Variants in DPYD observed in about 807,000 individuals in gnomAD.
DPYD encodes the protein dihydropyrimidine dehydrogenase [NADP(+)].
In DPYD, 109 loss-of-function variants were observed where a neutral mutation model predicts 116.2. The ratio of observed to expected loss-of-function variants is 0.94; its 90% CI spans 0.80 to 1.10. DPYD has a LOEUF of 1.10. DPYD is among the 50% of genes least tolerant of loss of function. The pLI is 0.00. For synonymous variants in DPYD, 440 were observed against 432.0 expected (o/e 1.02, Z -0.23); for missense variants, 1,302 against 1,254.5 (o/e 1.04, Z -0.57).
At chr1:97,720,113 C>T (rs1051458415) in intron 5 of DPYD, 1 of 984,766 alleles carries the variant, frequency 1.0e-6, no homozygotes, top group Non-Finnish European at 1.2e-6. Context: ...TGAGAGTTTC[C>T]AGAGGAATAA....
At chr1:97,895,697 G>A (rs1458350518) in intron 1 of DPYD, among the ~76,000 whole-genome samples, 1 of 151,658 alleles carries the variant, frequency 6.6e-6, no homozygotes, top group East Asian at 2.0e-4. Context: ...GGTGAGTTGA[G>A]GAGTTGGACT....
intron 13 of DPYD, among the ~76,000 whole-genome samples, chr1:97,473,390 C>T (rs1677767803): frequency 6.6e-6 from 1 of 152,118 alleles, no homozygotes; most frequent in African/African-American, 2.4e-5. Context: ...TCAATGGACA[C>T]TTAGGTTGTT....
At chr1:97,696,906 AAAC>A (rs1661339089) in intron 6 of DPYD, among the ~76,000 whole-genome samples, 1 of 152,092 alleles carries the variant, frequency 6.6e-6, no homozygotes, top group South Asian at 2.1e-4. Context: ...TCAACAAGAA[AAAC>A]AATAGGCCTA....
At chr1:97,228,661 T>C (rs1191247617) in intron 19 of DPYD, among the ~76,000 whole-genome samples, 1 of 152,324 alleles carries the variant, frequency 6.6e-6, no homozygotes, top group South Asian at 2.1e-4. Flanking sequence ...ACCTAGATAT[T>C]TAAATCAATT....
In DPYD at chr1:97,085,101, T is replaced by C. The variant is rs1484318148; in HGVS notation, c.2767-2631A>G. ...ATTTCCCAGTACTATTTTAAAATAA[T>C]AAATTCAAGAGGTCACTATCTGGCT... On this transcript the variant is annotated intron_variant, in intron 21 of 22. Coordinates refer to ENST00000370192, the MANE Select transcript of DPYD (RefSeq NM_000110.4). Among the ~76,000 whole-genome samples, 3 of 152,202 alleles carry C rather than the reference T, an allele frequency of 2.0e-5. No individual in the cohort carries two copies. In the East Asian group the frequency reaches 5.8e-4, roughly 29 times the overall value.
rs763295034 is a variant in DPYD at position 97,268,724 on chromosome 1, T to C, written c.2300-33730A>G. 3.9e-5 allele frequency among the ~76,000 whole-genome samples: 6 copies of C among 152,228 alleles called. No homozygotes were observed. In the East Asian group the frequency reaches 7.8e-4, roughly 20 times the overall value. ...CAGGGCACCTAATGCTGAGGTCCGA[T>C]ATGAGCCCCTGTCTAGAAACCCTGC... is the stretch of plus-strand genomic sequence containing the variant. On this transcript the variant is annotated intron_variant, in intron 18 of 22. Coordinates refer to ENST00000370192, the MANE Select transcript of DPYD (RefSeq NM_000110.4).
chr1:97,385,280 CAAAAAAAAAAAAAAAAAAAAAAAA>C (rs567156406), intron 14 of DPYD, among the ~76,000 whole-genome samples: 3 of 48,926 alleles, frequency 6.1e-5, no homozygotes, highest in Admixed American at 6.1e-4. Context: ...GCATTCCTTG[CAAAAAAAAAAAAAAAAAAAAAAAA>C]AAAAAAAAAA....
intron 14 of DPYD, among the ~76,000 whole-genome samples, chr1:97,443,852 G>T (rs1177139625): frequency 6.6e-6 from 1 of 152,184 alleles, no homozygotes; most frequent in Non-Finnish European, 1.5e-5. Context: ...TTTTGCAGAG[G>T]TAGTCTTCGT....
intron 16 of DPYD, among the ~76,000 whole-genome samples, chr1:97,351,910 A>T (rs533062007): frequency 1.1e-4 from 17 of 152,330 alleles, no homozygotes; most frequent in Non-Finnish European, 2.1e-4. Flanking sequence ...CTTATATTTC[A>T]TAACTATACA....
intron 20 of DPYD, among the ~76,000 whole-genome samples, chr1:97,153,814 C>A (rs1319471534): frequency 6.6e-6 from 1 of 151,942 alleles, no homozygotes; most frequent in Non-Finnish European, 1.5e-5. Flanking sequence ...AAAAAATAAA[C>A]AATCCCATCC....
intron 20 of DPYD, among the ~76,000 whole-genome samples, chr1:97,123,864 T>C (rs1388087658): frequency 6.6e-6 from 1 of 152,104 alleles, no homozygotes; most frequent in East Asian, 1.9e-4. Flanking sequence ...CTTTATTGAG[T>C]TATCAGAGGA....
At chr1:97,518,623 T>C (rs781568917) in intron 12 of DPYD, among the ~76,000 whole-genome samples, 32 of 152,086 alleles carry the variant, frequency 2.1e-4, no homozygotes, top group South Asian at 6.2e-4. Flanking sequence ...ACCTCAACTC[T>C]TTTATCTCAT....
chr1:97,607,456 A>C (rs1299649208), intron 8 of DPYD, among the ~76,000 whole-genome samples: 2 of 151,918 alleles, frequency 1.3e-5, no homozygotes, highest in African/African-American at 4.8e-5. Context: ...GTGTGGAACA[A>C]AAATCTGAAG....
intron 16 of DPYD, among the ~76,000 whole-genome samples, chr1:97,354,495 T>C (rs973205466): frequency 2.0e-5 from 3 of 152,252 alleles, no homozygotes; most frequent in African/African-American, 7.2e-5. Flanking sequence ...CACAGAAAAT[T>C]GTTAATAATA....
At chr1:97,428,509 C>G (rs1674999338) in intron 14 of DPYD, among the ~76,000 whole-genome samples, 1 of 151,962 alleles carries the variant, frequency 6.6e-6, no homozygotes, top group African/African-American at 2.4e-5. Context: ...GCAATAGAGG[C>G]AGGAAAGCAG....
chr1:97,844,805 T>G (rs1670211287), intron 2 of DPYD, among the ~76,000 whole-genome samples: 1 of 152,192 alleles, frequency 6.6e-6, no homozygotes, highest in Non-Finnish European at 1.5e-5. Context: ...CTCAGGGGCC[T>G]GGGAAACCCC....
chr1:97,458,674 A>G (rs1019155282), intron 13 of DPYD, among the ~76,000 whole-genome samples: 1 of 152,198 alleles, frequency 6.6e-6, no homozygotes, highest in African/African-American at 2.4e-5. Context: ...CTCTCACTAG[A>G]AAATAACTAG....
chr1:97,562,579 G>C (rs1450951296), intron 11 of DPYD, among the ~76,000 whole-genome samples: 1 of 152,092 alleles, frequency 6.6e-6, no homozygotes, highest in Non-Finnish European at 1.5e-5. Flanking sequence ...TCCCCAAATG[G>C]ATGTTAACAT....
chr1:97,594,443 C>A (rs536566911), intron 9 of DPYD, among the ~76,000 whole-genome samples: 1 of 152,130 alleles, frequency 6.6e-6, no homozygotes, highest in Non-Finnish European at 1.5e-5. Flanking sequence ...AAGTTTGTAT[C>A]ATTTCTACAT....
Sources: gnomAD v4.1 joint callset for allele counts (sites outside exome capture counted in the v4.1 genomes callset) on GRCh38, gnomAD v4.1.1 for gene constraint, MANE v1.5 for transcripts, NCBI Gene and HGNC (gene_info 2026-07-23, HGNC 2026-07-21) for gene names.